The following SLC8A1 variants were observed in gnomAD, a reference collection of about 807,000 sequenced individuals.
The protein encoded by SLC8A1 is sodium/calcium exchanger 1.
In SLC8A1, 18 loss-of-function variants were observed where a neutral mutation model predicts 68.3. The ratio of observed to expected loss-of-function variants is 0.26; its 90% CI spans 0.18 to 0.39. The LOEUF is 0.39. Ranked by LOEUF, SLC8A1 falls within the 10% of genes least tolerant of loss-of-function variation. The pLI is 1.00. For missense variants in SLC8A1, 985 were observed against 1,156.7 expected (o/e 0.85, Z 2.15); for synonymous variants, 475 against 415.5 (o/e 1.14, Z -1.74).
intron 2 of SLC8A1, among the ~76,000 whole-genome samples, chr2:40,179,550 T>C (rs1371473970): frequency 2.0e-5 from 3 of 152,234 alleles, no homozygotes; most frequent in Non-Finnish European, 2.9e-5. Context: ...TAGAAGCCTC[T>C]TAAACCCTGA....
At chr2:40,343,506 T>C (rs1668337896) in intron 2 of SLC8A1, among the ~76,000 whole-genome samples, 1 of 152,204 alleles carries the variant, frequency 6.6e-6, no homozygotes. Flanking sequence ...CACTGTTCTA[T>C]TCACTTAAAA....
rs1043551579 is a variant in SLC8A1, at chr2:40,383,373, C to T, written c.1808+45100G>A. ...ATATTTTAGAATTGCTCTTATCCTT[C>T]GCCATGTTTATAAGAAACATTTGAC... On this transcript the variant is annotated intron_variant, in intron 2 of 7. Transcript: ENST00000406785. Among the ~76,000 whole-genome samples, 12 of 152,136 alleles carry T rather than the reference C, an allele frequency of 7.9e-5. No individual in the cohort carries two copies. The Middle Eastern group carries it at 0.017, about 216-fold the overall frequency.
intron 1 of SLC8A1, among the ~76,000 whole-genome samples, chr2:40,438,304 A>G (rs1699838653): frequency 6.6e-6 from 1 of 152,172 alleles, no homozygotes; most frequent in Non-Finnish European, 1.5e-5. Context: ...ACATGCTTTT[A>G]TATCTAGGTC....
intron 1 of SLC8A1, among the ~76,000 whole-genome samples, chr2:40,502,613 G>A (rs192191687): frequency 1.6e-3 from 245 of 152,088 alleles, no homozygotes; most frequent in African/African-American, 5.7e-3. Flanking sequence ...CTTTAGTACA[G>A]TTGTGAAGAT....
chr2:40,314,898 T>G (rs151089125), intron 2 of SLC8A1, among the ~76,000 whole-genome samples: 319 of 152,168 alleles, frequency 2.1e-3, no homozygotes, highest in African/African-American at 7.1e-3. Flanking sequence ...GTTTTACAGA[T>G]TTTTATCAGA....
At chr2:40,227,420 A>G (rs889740124) in intron 2 of SLC8A1, among the ~76,000 whole-genome samples, 5 of 152,028 alleles carry the variant, frequency 3.3e-5, no homozygotes, top group Admixed American at 6.6e-5. Flanking sequence ...CTTTGCAGGG[A>G]CACGGGATAG....
intron 1 of SLC8A1, among the ~76,000 whole-genome samples, chr2:40,458,831 G>A (rs1294129965): frequency 6.6e-6 from 1 of 152,106 alleles, no homozygotes; most frequent in African/African-American, 2.4e-5. Flanking sequence ...TAGGCATGGG[G>A]TTTATAAGCA....
chr2:40,287,445 A>G (rs2068500709), intron 2 of SLC8A1, among the ~76,000 whole-genome samples: 1 of 152,138 alleles, frequency 6.6e-6, no homozygotes, highest in South Asian at 2.1e-4. Context: ...TGAATCATAG[A>G]CTTCAGCATG....
Position 40,484,410 on chromosome 2 carries a change from T to C in SLC8A1, c.-25+27939A>G, listed in dbSNP as rs187085752. The stretch of plus-strand genomic sequence containing the variant: ...TGCCTGTCCTTGTTTCTACCCATGC[T>C]CCAAGCCTGCTGCTCCACTCTTCTC... On this transcript the variant is annotated intron_variant, in intron 1 of 7. Transcript: ENST00000402441. Among the ~76,000 whole-genome samples the C allele has an allele frequency of 2.0e-5, 3 of 152,344 alleles. No homozygotes were observed. The East Asian group carries it at 5.8e-4, about 29-fold the overall frequency.
At chr2:40,447,649 C>G (rs1044816444) in intron 1 of SLC8A1, among the ~76,000 whole-genome samples, 1 of 151,062 alleles carries the variant, frequency 6.6e-6, no homozygotes, top group African/African-American at 2.4e-5. Flanking sequence ...TTAATGGTAG[C>G]TCCTTCTCGG....
chr2:40,334,665 A>T (rs1351380090), intron 2 of SLC8A1, among the ~76,000 whole-genome samples: 1 of 152,156 alleles, frequency 6.6e-6, no homozygotes, highest in Non-Finnish European at 1.5e-5. Context: ...AGCCATAAAT[A>T]TGAATAACCA....
chr2:40,307,543 T>C (rs1015910351), intron 2 of SLC8A1, among the ~76,000 whole-genome samples: 2 of 152,160 alleles, frequency 1.3e-5, no homozygotes, highest in Admixed American at 6.5e-5. Flanking sequence ...TTTACTACAA[T>C]GAAGTTTTTA....
chr2:40,239,592 G>C lies in SLC8A1; in HGVS notation c.1809-61737C>G, dbSNP rs554207103. Among the ~76,000 whole-genome samples the C allele has an allele frequency of 8.5e-5, 13 of 152,266 alleles. 1 individual carries two copies. Among genetic ancestry groups the C allele is most frequent in the Admixed American group, 7.2e-4 (11 of 15,296 alleles). ...TCCTCCTCCCATGCACAGTCACTGT[G>C]CTGCCTCGTGAAATACAGCCCTCTC... On this transcript the variant is annotated intron_variant, in intron 2 of 7. Transcript: ENST00000406785.
intron 7 of SLC8A1, chr2:40,118,604 GAA>G (rs1298054651): frequency 9.1e-6 from 1 of 109,326 alleles, no homozygotes; most frequent in Non-Finnish European, 1.9e-5. Flanking sequence ...GAAAAAAAAG[GAA>G]GTTTTTTTTT....
At chr2:40,131,856 C>CTA (rs1395489809) in intron 7 of SLC8A1, among the ~76,000 whole-genome samples, 1 of 49,284 alleles carries the variant, frequency 2.0e-5, no homozygotes, top group Admixed American at 2.5e-4. Context: ...TCTTGGTATT[C>CTA]TATTTTTTTT....
chr2:40,116,309 T>C (rs1204252911), intron 7 of SLC8A1, among the ~76,000 whole-genome samples: 1 of 152,098 alleles, frequency 6.6e-6, no homozygotes, highest in Non-Finnish European at 1.5e-5. Context: ...GGTACTTTTT[T>C]ATTATTATTT....
chr2:40,239,844 T>A (rs1445120472), intron 2 of SLC8A1, among the ~76,000 whole-genome samples: 1 of 152,226 alleles, frequency 6.6e-6, no homozygotes, highest in Non-Finnish European at 1.5e-5. Context: ...CCTTAGTGTA[T>A]GTATCTCCTC....
chr2:40,467,984 T>C (rs1703791779), intron 1 of SLC8A1, among the ~76,000 whole-genome samples: 1 of 152,182 alleles, frequency 6.6e-6, no homozygotes, highest in South Asian at 2.1e-4. Context: ...AGATCTCAGT[T>C]TGGTTGTCTA....
chr2:40,476,307 C>T (rs766537545), intron 1 of SLC8A1, among the ~76,000 whole-genome samples: 20 of 152,164 alleles, frequency 1.3e-4, no homozygotes, highest in Admixed American at 2.0e-4. Flanking sequence ...GACCTTTATC[C>T]CTTCTTCATA....
Sources: gnomAD v4.1 joint callset for allele counts (sites outside exome capture counted in the v4.1 genomes callset) on GRCh38, gnomAD v4.1.1 for gene constraint, MANE v1.5 for transcripts, NCBI Gene and HGNC (gene_info 2026-07-23, HGNC 2026-07-21) for gene names.